Variants in HHAT observed in about 807,000 individuals in gnomAD.
The protein encoded by HHAT is hedgehog acyltransferase.
A neutral mutation model predicts 70.8 loss-of-function variants in HHAT; 47 were observed. That is an observed-to-expected ratio of 0.66 (90% CI 0.53 to 0.85). The LOEUF (loss-of-function observed/expected upper bound fraction) is 0.85. Among genes scored for constraint, HHAT ranks in the 40% least tolerant of loss-of-function variants. HHAT has a pLI of 0.00. For synonymous variants in HHAT, 228 were observed against 247.6 expected, an observed-to-expected ratio of 0.92 and a Z score of 0.74; for missense variants, 609 against 604.8, an observed-to-expected ratio of 1.01 and a Z score of -0.07.
intron 7 of HHAT, among the ~76,000 whole-genome samples, chr1:210,432,749 T>C (rs2093281133): frequency 6.6e-6 from 1 of 151,778 alleles, no homozygotes; most frequent in South Asian, 2.1e-4. Flanking sequence ...ATGTGGAGTA[T>C]AGCATGGCAA....
intron 10 of HHAT, among the ~76,000 whole-genome samples, chr1:210,594,738 T>C (rs560261601): frequency 6.6e-6 from 1 of 152,236 alleles, no homozygotes; most frequent in African/African-American, 2.4e-5. Context: ...CTGGTGTTGA[T>C]GAAATTCCTC....
chr1:210,515,614 C>T (rs1190247593), intron 9 of HHAT, among the ~76,000 whole-genome samples: 5 of 151,700 alleles, frequency 3.3e-5, no homozygotes, highest in South Asian at 2.1e-4. Context: ...AAAAATTAGC[C>T]GGGCATGGTG....
chr1:210,518,600 C>G (rs2148598995), intron 9 of HHAT, among the ~76,000 whole-genome samples: 1 of 152,298 alleles, frequency 6.6e-6, no homozygotes, highest in African/African-American at 2.4e-5. Context: ...TGAGACCAGC[C>G]TGGCCAACAT....
intron 9 of HHAT, among the ~76,000 whole-genome samples, chr1:210,552,817 G>A (rs775293945): frequency 5.3e-5 from 8 of 152,160 alleles, no homozygotes; most frequent in Non-Finnish European, 1.0e-4. Context: ...TGTAATAATG[G>A]ACCTCCTCAT....
intron 10 of HHAT, among the ~76,000 whole-genome samples, chr1:210,611,510 C>T (rs1174787013): frequency 6.6e-6 from 1 of 152,078 alleles, no homozygotes; most frequent in Non-Finnish European, 1.5e-5. Flanking sequence ...TTTCTCTTGC[C>T]TGATTGCCCT....
At chr1:210,419,099 G>A (rs564371633) in intron 7 of HHAT, among the ~76,000 whole-genome samples, 1 of 152,256 alleles carries the variant, frequency 6.6e-6, no homozygotes, top group South Asian at 2.1e-4. Context: ...AATGACTGGT[G>A]TGTAACCTTG....
At chr1:210,391,260 T>C (rs1299042079) in intron 4 of HHAT, among the ~76,000 whole-genome samples, 1 of 152,214 alleles carries the variant, frequency 6.6e-6, no homozygotes, top group Non-Finnish European at 1.5e-5. Flanking sequence ...AAAGTATACA[T>C]ATACTTATCT....
intron 11 of HHAT, among the ~76,000 whole-genome samples, chr1:210,660,928 T>A (rs1213258528): frequency 6.6e-6 from 1 of 152,106 alleles, no homozygotes; most frequent in Non-Finnish European, 1.5e-5. Context: ...GATGGATTAA[T>A]GACTTAACTG....
chr1:210,403,586 ACT>A (rs1219937818), intron 5 of HHAT, among the ~76,000 whole-genome samples: 4 of 152,028 alleles, frequency 2.6e-5, no homozygotes, highest in African/African-American at 7.2e-5. Context: ...AGAAGTAGAA[ACT>A]CTGTTCAGTG....
At chr1:210,439,869 T>C (rs1260358307) in intron 7 of HHAT, 1 of 151,902 alleles carries the variant, frequency 6.6e-6, no homozygotes, top group African/African-American at 2.4e-5. Flanking sequence ...TCACCTTAAA[T>C]CTCTGTTTTA....
intron 8 of HHAT, among the ~76,000 whole-genome samples, chr1:210,489,732 T>C (rs1476635861): frequency 2.6e-5 from 4 of 152,208 alleles, no homozygotes; most frequent in African/African-American, 9.6e-5. Flanking sequence ...GCTGACCATC[T>C]GTGAATCTGG....
chr1:210,645,221 C>T (rs974028682), intron 11 of HHAT, among the ~76,000 whole-genome samples: 1 of 152,146 alleles, frequency 6.6e-6, no homozygotes, highest in African/African-American at 2.4e-5. Flanking sequence ...TACTACCTTC[C>T]TTATTATGGA....
intron 9 of HHAT, among the ~76,000 whole-genome samples, chr1:210,584,135 G>T (rs1469564329): frequency 6.6e-6 from 1 of 151,416 alleles, no homozygotes; most frequent in Non-Finnish European, 1.5e-5. Context: ...TAGAGACAGG[G>T]TTCACCACGT....
intron 4 of HHAT, among the ~76,000 whole-genome samples, chr1:210,395,930 A>G (rs1324894147): frequency 6.6e-6 from 1 of 152,170 alleles, no homozygotes; most frequent in African/African-American, 2.4e-5. Context: ...GCACTGTGCT[A>G]GATTCTGGGC....
At chr1:210,634,949 T>C (rs1419052441) in intron 11 of HHAT, among the ~76,000 whole-genome samples, 1 of 152,196 alleles carries the variant, frequency 6.6e-6, no homozygotes, top group Non-Finnish European at 1.5e-5. Flanking sequence ...GGCTAAGTTA[T>C]TTTTACAGAG....
At chr1:210,422,278 C>T (rs969650957) in intron 7 of HHAT, among the ~76,000 whole-genome samples, 1 of 152,144 alleles carries the variant, frequency 6.6e-6, no homozygotes, top group Non-Finnish European at 1.5e-5. Context: ...GTGTTGGGAA[C>T]ATTCAGTATT....
chr1:210,543,374 G>C (rs1385823626), intron 9 of HHAT, among the ~76,000 whole-genome samples: 1 of 142,944 alleles, frequency 7.0e-6, no homozygotes. Context: ...TTCTTTTTCT[G>C]TGAAAAATTA....
chr1:210,597,974 C>G (rs960505136), intron 10 of HHAT, among the ~76,000 whole-genome samples: 1 of 151,762 alleles, frequency 6.6e-6, no homozygotes, highest in Non-Finnish European at 1.5e-5. Context: ...ATACCAAAAG[C>G]CCACAGCAAG....
intron 2 of HHAT, among the ~76,000 whole-genome samples, chr1:210,349,321 G>A (rs767505295): frequency 6.6e-5 from 10 of 152,142 alleles, no homozygotes; most frequent in Non-Finnish European, 1.0e-4. Flanking sequence ...GCTATTGAAG[G>A]CCGTGGAGGG....
Sources: gnomAD v4.1 joint callset for allele counts (sites outside exome capture counted in the v4.1 genomes callset) on GRCh38, gnomAD v4.1.1 for gene constraint, MANE v1.5 for transcripts, NCBI Gene and HGNC (gene_info 2026-07-23, HGNC 2026-07-21) for gene names.